SLC9A5: variants seen among roughly 807,000 people sequenced by gnomAD.
SLC9A5 encodes the protein solute carrier family 9 member A5.
In SLC9A5, 52 loss-of-function variants were observed where a neutral mutation model predicts 91.7. The observed-to-expected ratio is 0.57, with a 90% CI of 0.45 to 0.71. The LOEUF (loss-of-function observed/expected upper bound fraction) is 0.71. SLC9A5 is among the 30% of genes least tolerant of loss of function. The pLI is 0.00. For synonymous variants in SLC9A5, 419 were observed against 474.5 expected (o/e 0.88, Z 1.52); for missense variants, 871 against 1,158.9 (o/e 0.75, Z 3.61).
chr16:67,252,866 G>A lies in SLC9A5; in HGVS notation c.490+22G>A, dbSNP rs750404248. 1.5e-5 allele frequency: 24 copies of A among 1,598,140 alleles called. No individual in the cohort carries two copies. Among genetic ancestry groups the A allele is most frequent in the Non-Finnish European group, 2.0e-5 (24 of 1,173,810 alleles). On this transcript the variant is annotated intron_variant, in intron 2 of 15. Coordinates refer to ENST00000299798, the MANE Select transcript of SLC9A5 (RefSeq NM_004594.3). This position sits in a 1 kb window ranked among gnomAD's most constrained non-coding sequence, Gnocchi z 4.0. ...GTAGGTGAGTGACCCTAAGACCTGG[G>A]CTTTGCCAGACCCATCACCCCTCTC...
At chr16:67,251,431 T>TTTTTTTTTAA (rs2035115698) in intron 1 of SLC9A5, among the ~76,000 whole-genome samples, 1 of 136,856 alleles carries the variant, frequency 7.3e-6, no homozygotes, top group African/African-American at 3.0e-5. Flanking sequence ...TTTTTTTTTT[T>TTTTTTTTTAA]GAGACAGAGT....
chr16:67,249,211 T>A lies in SLC9A5; in HGVS notation c.187+10T>A, dbSNP rs1167823662. On this transcript the variant is annotated intron_variant, in intron 1 of 15. Coordinates refer to ENST00000299798, the MANE Select transcript of SLC9A5 (RefSeq NM_004594.3). ...AGTCTGGCCAAAATCGGTGAGTGCG[T>A]GTGTGCGTGCGCCAGGCCGACCGCC... 6.9e-7 allele frequency: 1 copy of A among 1,454,482 alleles called. No homozygotes were observed. Among genetic ancestry groups the A allele is most frequent in the Non-Finnish European group, 9.1e-7 (1 of 1,104,562 alleles). The allele number at this position is 1,454,482 out of a possible 1,614,324, so 90.1% of individuals were successfully genotyped here.
chr16:67,252,584 G>T lies in SLC9A5; in HGVS notation c.230G>T (p.Ser77Ile). The T allele has an allele frequency of 1.2e-6, 2 of 1,613,902 alleles. No homozygotes were observed. The highest frequency in any genetic ancestry group is 1.7e-6 in the Non-Finnish European group (2 of 1,179,994). Reference protein sequence around the residue: ...SRKVTSLVPESCLLILLGLVL... With the variant: ...SRKVTSLVPEICLLILLGLVL... Reference sequence around the variant, plus strand: ...AAAGTAACATCTCTGGTCCCTGAGAGCTGCCTGCTGATTTTGCTGGGCCTG... The same window carrying T: ...AAAGTAACATCTCTGGTCCCTGAGATCTGCCTGCTGATTTTGCTGGGCCTG... Residue 77 changes from serine (S) to isoleucine (I), a missense_variant, in exon 2 of 16, where the codon AGC becomes ATC. By Grantham distance (142) the Ser-to-Ile change is moderately radical. Coordinates refer to ENST00000299798, the MANE Select transcript of SLC9A5 (RefSeq NM_004594.3). This position sits in a 1 kb window ranked among gnomAD's most constrained non-coding sequence, Gnocchi z 4.0.
Position 67,252,988 on chromosome 16 carries a change from G to T in SLC9A5, c.490+144G>T. On this transcript the variant is annotated intron_variant, in intron 2 of 15. Transcript: ENST00000299798. This position sits in a 1 kb window ranked among gnomAD's most constrained non-coding sequence, Gnocchi z 4.0. ...CTCTGGAGTGCAAGGCAGTGCTCCCGCTGGGGTTCAGGCCTCATTGAGGTC... is the reference window on the plus strand; with the variant it reads ...CTCTGGAGTGCAAGGCAGTGCTCCCTCTGGGGTTCAGGCCTCATTGAGGTC... 1.3e-6 allele frequency: 1 copy of T among 741,162 alleles called. No homozygotes were observed. Among genetic ancestry groups the T allele is most frequent in the Non-Finnish European group, 2.1e-6 (1 of 465,460 alleles). The allele number at this position is 741,162 out of a possible 1,614,324, so 45.9% of individuals were successfully genotyped here.
intron 15 of SLC9A5, among the ~76,000 whole-genome samples, chr16:67,267,386 C>G (rs1424704690): frequency 2.6e-5 from 4 of 151,922 alleles, no homozygotes; most frequent in Admixed American, 2.6e-4. Flanking sequence ...GTGCTCAGCA[C>G]CCAGCTGATT....
At chr16:67,268,661 TATATATA>T (rs2035803021) in intron 15 of SLC9A5, among the ~76,000 whole-genome samples, 7 of 16,810 alleles carry the variant, frequency 4.2e-4, no homozygotes, top group Non-Finnish European at 6.2e-4. Flanking sequence ...TCCCTGATTA[TATATATA>T]TATATATATA....
At position 67,270,877 on chromosome 16, in the gene SLC9A5, C is replaced by T; in HGVS notation, c.2358C>T (p.Asp786=). 1.2e-6 allele frequency: 2 copies of T among 1,614,140 alleles called. No homozygotes were observed. Among genetic ancestry groups the T allele is most frequent in the Non-Finnish European group, 1.7e-6 (2 of 1,180,024 alleles). ...AAACCACCAAGATTGTGCCTGTGGA[C>T]ATGCAGACGGGTTGGAACCAGAGCA... ...SSETTKIVPV[D]MQTGWNQSIS... Residue 786 remains aspartate (D), a synonymous_variant, in exon 16 of 16, where the codon GAC becomes GAT. Coordinates refer to ENST00000299798, the MANE Select transcript of SLC9A5 (RefSeq NM_004594.3). The surrounding 1 kb of genome is among the most constrained non-coding windows in gnomAD (Gnocchi z 4.3).
At chr16:67,264,793 A>G (rs535413165) in intron 13 of SLC9A5, among the ~76,000 whole-genome samples, 1 of 151,928 alleles carries the variant, frequency 6.6e-6, no homozygotes, top group Non-Finnish European at 1.5e-5. Flanking sequence ...AAGGCAGGAG[A>G]AAAGGAGATT....
rs531715157 is a variant in SLC9A5 at position 67,262,325 on chromosome 16, A to G, written c.1843-2027A>G. 1.8e-5 allele frequency: 8 copies of G among 450,074 alleles called. No individual in the cohort carries two copies. The East Asian group carries it at 5.6e-4, about 31-fold the overall frequency. 27.9% of individuals were successfully genotyped at this position (450,074 alleles called of 1,614,324 possible). On this transcript the variant is annotated intron_variant, in intron 12 of 15. Coordinates refer to ENST00000299798, the MANE Select transcript of SLC9A5 (RefSeq NM_004594.3). ...TCAACCAGTTCTGAATCCACTTAGT[A>G]TGATAACACAATCCACAATTTCTCA...
chr16:67,256,581 G>A lies in SLC9A5; in HGVS notation c.1024G>A (p.Val342Met), dbSNP rs748695342. Residue 342 changes from valine to methionine, a missense_variant, in exon 6 of 16, where the codon GTG becomes ATG. By Grantham distance (21) the Val-to-Met change is conservative. Around this residue, in one of 3 missense-constraint regions of SLC9A5, gnomAD observed 454 missense variants for 718.3 expected, o/e 0.63. Coordinates refer to ENST00000299798, the MANE Select transcript of SLC9A5 (RefSeq NM_004594.3). This position sits in a 1 kb window ranked among gnomAD's most constrained non-coding sequence, Gnocchi z 4.1. Reference sequence around the variant, plus strand: ...GACTCTAGCCAGCTGTGCTGAGACCGTGATCTTCATGCTGCTTGGCATCTC... The same window carrying A: ...GACTCTAGCCAGCTGTGCTGAGACCATGATCTTCATGCTGCTTGGCATCTC... ...MKTLASCAET[V>M]IFMLLGISAV... The A allele has an allele frequency of 3.7e-6, 6 of 1,613,830 alleles. No homozygotes were observed. Among genetic ancestry groups the A allele is most frequent in the Non-Finnish European group, 5.1e-6 (6 of 1,179,846 alleles).
intron 14 of SLC9A5, among the ~76,000 whole-genome samples, chr16:67,265,775 G>A (rs370167329): frequency 6.6e-6 from 1 of 152,304 alleles, no homozygotes; most frequent in East Asian, 1.9e-4. Context: ...AGCAATCCAA[G>A]TGCTCATGTT....
In SLC9A5 at chr16:67,255,345, C is replaced by T. The variant is rs781028673; in HGVS notation, c.655-48C>T. ...CCAGCAGTCTGTCTCCCAGCAGTCC[C>T]AGTTGCTGCCTTCCCGCCTCACTGC... is the stretch of plus-strand genomic sequence containing the variant. On this transcript the variant is annotated intron_variant, in intron 3 of 15. Coordinates refer to ENST00000299798, the MANE Select transcript of SLC9A5 (RefSeq NM_004594.3). This position sits in a 1 kb window ranked among gnomAD's most constrained non-coding sequence, Gnocchi z 4.9. The T allele has an allele frequency of 1.5e-5, 24 of 1,569,382 alleles. No individual in the cohort carries two copies. Among genetic ancestry groups the T allele is most frequent in the Non-Finnish European group, 2.0e-5 (23 of 1,142,314 alleles).
Position 67,266,210 on chromosome 16 carries a change from G to C in SLC9A5, c.2203G>C (p.Glu735Gln). The C allele has an allele frequency of 6.2e-7, 1 of 1,605,940 alleles. No homozygotes were observed. Among genetic ancestry groups the C allele is most frequent in the Non-Finnish European group, 8.5e-7 (1 of 1,176,430 alleles). ...TCGTGCCACCAGTGAGGTTCTCCAA[G>C]AGGGCAAGGTCTCAGGTAATGGCTT... ...VARATSEVLQ[E>Q]GKVSGSLEVC... The change falls in exon 15 of 16, where the codon GAG becomes CAG. Residue 735 changes from glutamate (E) to glutamine (Q), a missense_variant. By Grantham distance (29) the Glu-to-Gln change is conservative. Around this residue, in one of 3 missense-constraint regions of SLC9A5, gnomAD observed 295 missense variants for 326.0 expected, o/e 0.90. Transcript: ENST00000299798.
At chr16:67,265,018 G>C (rs2035653572) in intron 13 of SLC9A5, 22 bp from the exon 14 acceptor site, 1 of 1,614,032 alleles carries the variant, frequency 6.2e-7, no homozygotes, top group Non-Finnish European at 8.5e-7. Flanking sequence ...CAGAGGCTCA[G>C]GTTTTCTTTC....
chr16:67,256,918 C>T lies in SLC9A5; in HGVS notation c.1140C>T (p.Val380=). 1 of 1,613,798 alleles carries T rather than the reference C, an allele frequency of 6.2e-7. No homozygotes were observed. The highest frequency in any genetic ancestry group is 8.5e-7 in the Non-Finnish European group (1 of 1,180,002). ...GCCTCCCTCCCGCTGTAGGCGTAGT[C>T]CTGCAGACCTGGGTGCTGAATCAGT... ...FILFFRALGV[V]LQTWVLNQFR... is the part of the protein sequence containing the mutation. Residue 380 remains valine (V), a synonymous_variant, in exon 7 of 16, where the codon GTC becomes GTT. Coordinates refer to ENST00000299798, the MANE Select transcript of SLC9A5 (RefSeq NM_004594.3). This position sits in a 1 kb window ranked among gnomAD's most constrained non-coding sequence, Gnocchi z 4.1.
In SLC9A5 at chr16:67,264,458, C is replaced by T; in HGVS notation, c.1949C>T (p.Ser650Phe). The T allele has an allele frequency of 6.2e-7, 1 of 1,614,184 alleles. No homozygotes were observed. Among genetic ancestry groups the T allele is most frequent in the South Asian group, 1.1e-5 (1 of 91,076 alleles). ...AAGCGGCGGCTGGAGTCCTTTAAGT[C>T]CACCAAGCACAACATCTGCTTCACC... ...NMKRRLESFK[S>F]TKHNICFTKS... The change falls in exon 13 of 16, where the codon TCC (serine) becomes TTC (phenylalanine). Residue 650 changes from serine (S) to phenylalanine (F), a missense_variant. By Grantham distance (155) the Ser-to-Phe change is radical. This residue lies in a region of SLC9A5 where 295 missense variants were observed against 326.0 expected (regional missense o/e 0.90). Coordinates refer to ENST00000299798, the MANE Select transcript of SLC9A5 (RefSeq NM_004594.3).
intron 2 of SLC9A5, 25 bp from the exon 3 acceptor site, chr16:67,254,996 C>T: frequency 6.3e-7 from 1 of 1,598,896 alleles, no homozygotes; most frequent in Non-Finnish European, 8.6e-7. Flanking sequence ...AATGACTGGC[C>T]TGTCCTACAC....
rs753160694 is a variant in SLC9A5 at position 67,256,185 on chromosome 16, A to G, written c.911+255A>G. Among the ~76,000 whole-genome samples the G allele has an allele frequency of 6.6e-6, 1 of 152,148 alleles. No individual in the cohort carries two copies. The highest frequency in any genetic ancestry group is 1.5e-5 in the Non-Finnish European group (1 of 68,026). On this transcript the variant is annotated intron_variant, in intron 5 of 15. Coordinates refer to ENST00000299798, the MANE Select transcript of SLC9A5 (RefSeq NM_004594.3). This position sits in a 1 kb window ranked among gnomAD's most constrained non-coding sequence, Gnocchi z 4.1. ...GAAGTAGACTTTAAGGCCTGGGGCC[A>G]CCAGCTCTGGAGGCCGCAGCACTCC... is the stretch of plus-strand genomic sequence containing the variant.
rs543707765 is a variant in SLC9A5, at chr16:67,264,397, G to A, written c.1888G>A (p.Glu630Lys). The change falls in exon 13 of 16, where the codon GAG becomes AAG. Residue 630 changes from glutamate (E) to lysine (K), a missense_variant. By Grantham distance (56) the Glu-to-Lys change is moderately conservative (BLOSUM62 1). Around this residue, in one of 3 missense-constraint regions of SLC9A5, gnomAD observed 454 missense variants for 718.3 expected, o/e 0.63. Transcript: ENST00000299798. Reference protein sequence around the residue: ...SRHFISEDAQERQDKEVFQQN... With the variant: ...SRHFISEDAQKRQDKEVFQQN... ...CCACTTCATCTCAGAGGATGCGCAG[G>A]AGCGGCAGGACAAGGAGGTCTTCCA... is the stretch of plus-strand genomic sequence containing the variant. 6.2e-7 allele frequency: 1 copy of A among 1,614,164 alleles called. No homozygotes were observed.
Sources: allele counts gnomAD v4.1 joint callset (sites outside exome capture counted in the v4.1 genomes callset), GRCh38; gene constraint gnomAD v4.1.1; regional missense constraint gnomAD v4.1.1; non-coding constraint Gnocchi (gnomAD v3.1); transcripts MANE v1.5; gene names NCBI Gene and HGNC (gene_info 2026-07-23, HGNC 2026-07-21).